Variants in CRPPA observed in about 807,000 individuals in gnomAD.
The protein encoded by CRPPA is D-ribitol-5-phosphate cytidylyltransferase.
CRPPA carries 43 observed loss-of-function variants against 52.0 expected under a neutral mutation model. The ratio of observed to expected loss-of-function variants is 0.83; its 90% CI spans 0.65 to 1.07. CRPPA has a LOEUF of 1.07. CRPPA is among the 50% of genes least tolerant of loss of function. The pLI is 0.00. For synonymous variants in CRPPA, 250 were observed against 203.5 expected, an observed-to-expected ratio of 1.23 and a Z score of -1.94; for missense variants, 629 against 551.7, an observed-to-expected ratio of 1.14 and a Z score of -1.40.
At chr7:16,232,518 C>G (rs1782828316) in intron 8 of CRPPA, among the ~76,000 whole-genome samples, 1 of 152,144 alleles carries the variant, frequency 6.6e-6, no homozygotes, top group East Asian at 1.9e-4. Flanking sequence ...TCTCCAGAAT[C>G]ATGAGCCAAA....
chr7:16,339,833 T>C (rs759061279), intron 3 of CRPPA, among the ~76,000 whole-genome samples: 3 of 152,288 alleles, frequency 2.0e-5, no homozygotes, highest in Non-Finnish European at 2.9e-5. Context: ...GTCAAGAGAC[T>C]GACACTTCCA....
intron 2 of CRPPA, among the ~76,000 whole-genome samples, chr7:16,398,840 C>T (rs186433049): frequency 1.4e-4 from 22 of 152,306 alleles, no homozygotes; most frequent in Admixed American, 5.9e-4. Flanking sequence ...ACGTGACTGA[C>T]GCGATTTACG....
intron 2 of CRPPA, among the ~76,000 whole-genome samples, chr7:16,384,434 C>A (rs891021188): frequency 6.6e-6 from 1 of 152,192 alleles, no homozygotes; most frequent in Non-Finnish European, 1.5e-5. Flanking sequence ...GGATTAGGAA[C>A]AAACCTCAAA....
intron 6 of CRPPA, chr7:16,266,377 TAA>T (rs1783953110): frequency 6.6e-6 from 1 of 152,154 alleles, no homozygotes; most frequent in African/African-American, 2.4e-5. Context: ...ACTATTGTTC[TAA>T]TGCAACACTA....
intron 1 of CRPPA, among the ~76,000 whole-genome samples, chr7:16,418,349 A>C (rs980006465): frequency 6.6e-6 from 1 of 152,240 alleles, no homozygotes; most frequent in Admixed American, 6.5e-5. Context: ...TTATCAGTTA[A>C]GTAAAAGTAG....
chr7:16,121,391 CCCTCCA>C (rs754917265), intron 9 of CRPPA, among the ~76,000 whole-genome samples: 7 of 151,684 alleles, frequency 4.6e-5, no homozygotes, highest in Admixed American at 1.3e-4. Context: ...CAGGAATAAC[CCCTCCA>C]CCTCCCAAAA....
At chr7:16,250,872 A>T (rs1783429807) in intron 8 of CRPPA, among the ~76,000 whole-genome samples, 1 of 152,174 alleles carries the variant, frequency 6.6e-6, no homozygotes, top group Non-Finnish European at 1.5e-5. Context: ...TTCACACATA[A>T]CAATATTAAC....
At chr7:16,208,190 A>G (rs1295435389) in intron 9 of CRPPA, among the ~76,000 whole-genome samples, 1 of 152,212 alleles carries the variant, frequency 6.6e-6, no homozygotes, top group Non-Finnish European at 1.5e-5. Context: ...TAAAACTCAT[A>G]AAGTGTCAAA....
chr7:16,355,612 G>C (rs1053851307), intron 3 of CRPPA, among the ~76,000 whole-genome samples: 17 of 152,148 alleles, frequency 1.1e-4, no homozygotes, highest in Admixed American at 5.9e-4. Context: ...CTCAGTTACA[G>C]GTATGGAAGT....
chr7:16,354,941 G>A (rs1434872418), intron 3 of CRPPA, among the ~76,000 whole-genome samples: 2 of 152,084 alleles, frequency 1.3e-5, no homozygotes, highest in African/African-American at 4.8e-5. Context: ...AATAAAGGTA[G>A]ACAATATGCT....
At chr7:16,254,643 C>G (rs141364881) in intron 8 of CRPPA, among the ~76,000 whole-genome samples, 1 of 151,530 alleles carries the variant, frequency 6.6e-6, no homozygotes, top group East Asian at 1.9e-4. Context: ...ATGTAAACGA[C>G]GAGTTACTGG....
intron 3 of CRPPA, among the ~76,000 whole-genome samples, chr7:16,315,196 T>C (rs990667418): frequency 6.6e-6 from 1 of 152,188 alleles, no homozygotes; most frequent in African/African-American, 2.4e-5. Context: ...ATAGTGTTTC[T>C]GATCTCCAGC....
At chr7:16,199,322 G>T (rs144811214) in intron 9 of CRPPA, among the ~76,000 whole-genome samples, 2 of 152,022 alleles carry the variant, frequency 1.3e-5, no homozygotes, top group Non-Finnish European at 1.5e-5. Flanking sequence ...AATAAAATCT[G>T]CTCTCTCCAC....
chr7:16,212,545 A>T (rs911642365), intron 9 of CRPPA, among the ~76,000 whole-genome samples: 3 of 152,190 alleles, frequency 2.0e-5, no homozygotes, highest in Non-Finnish European at 4.4e-5. Flanking sequence ...GTAATGAATA[A>T]TTTCTCCAGG....
At chr7:16,286,017 T>G in intron 5 of CRPPA, among the ~76,000 whole-genome samples, 1 of 30,852 alleles carries the variant, frequency 3.2e-5, no homozygotes, top group Non-Finnish European at 5.0e-5. Flanking sequence ...TGAAACTCCA[T>G]CTCAAAAAAA....
At chr7:16,132,032 C>T (rs1782690562) in intron 9 of CRPPA, among the ~76,000 whole-genome samples, 1 of 152,144 alleles carries the variant, frequency 6.6e-6, no homozygotes, top group African/African-American at 2.4e-5. Context: ...AGGGCAATGC[C>T]TAGCAGAGAT....
At chr7:16,153,545 G>A (rs1320319838) in intron 9 of CRPPA, among the ~76,000 whole-genome samples, 2 of 151,954 alleles carry the variant, frequency 1.3e-5, no homozygotes, top group African/African-American at 4.8e-5. Context: ...TGTATTTACT[G>A]AACAAAGCAA....
Position 16,248,817 on chromosome 7 carries a change from A to G in CRPPA, c.1119+9573T>C, listed in dbSNP as rs533868522. On this transcript the variant is annotated intron_variant, in intron 8 of 9. Coordinates refer to ENST00000407010, the MANE Select transcript of CRPPA (RefSeq NM_001101426.4). The stretch of plus-strand genomic sequence containing the variant: ...GGATTTCCCTTTCCTAGCCAAGGGA[A>G]GCCATGACAGACTGTACTTGGAGGA... 6.6e-5 allele frequency among the ~76,000 whole-genome samples: 10 copies of G among 152,240 alleles called. No individual in the cohort carries two copies. The East Asian group carries it at 1.7e-3, about 27-fold the overall frequency.
intron 3 of CRPPA, among the ~76,000 whole-genome samples, chr7:16,311,346 C>T (rs1323731056): frequency 2.0e-5 from 3 of 152,074 alleles, no homozygotes; most frequent in South Asian, 2.1e-4. Context: ...TACATACCTC[C>T]GGCCCCCACA....
Sources: gnomAD v4.1 joint callset for allele counts (sites outside exome capture counted in the v4.1 genomes callset) on GRCh38, gnomAD v4.1.1 for gene constraint, MANE v1.5 for transcripts, NCBI Gene and HGNC (gene_info 2026-07-23, HGNC 2026-07-21) for gene names.